Variants in FASN observed in about 807,000 individuals in gnomAD.
FASN encodes the protein 3-hydroxyacyl-[acyl-carrier-protein] dehydratase.
In FASN, 50 loss-of-function variants were observed where a neutral mutation model predicts 250.0. The ratio of observed to expected loss-of-function variants is 0.20; its 90% confidence interval spans 0.16 to 0.25. The LOEUF is 0.25. Ranked by LOEUF, FASN falls within the 10% of genes least tolerant of loss-of-function variation. The pLI is 1.00. For missense variants in FASN, 3,031 were observed against 3,498.5 expected, an observed-to-expected ratio of 0.87 and a Z score of 3.37; for synonymous variants, 1,909 against 1,584.0, an observed-to-expected ratio of 1.21 and a Z score of -4.87.
Position 82,088,298 on chromosome 17 carries a change from G to A in FASN, c.2603C>T (p.Ser868Phe), listed in dbSNP as rs1011316980. The change falls in exon 17 of 43, where the codon TCC becomes TTC. Residue 868 changes from serine (S) to phenylalanine (F), a missense_variant. Coordinates refer to ENST00000306749, the MANE Select transcript of FASN (RefSeq NM_004104.5). ...SAAIYNIDTS[S>F]ESPDHYLVDH... ...CACCAGGTAGTGGTCAGGAGACTCG[G>A]AGCTGGTGTCTGCGGGAGGGCACAG... 1 of 1,606,804 alleles carries A rather than the reference G, an allele frequency of 6.2e-7. No homozygotes were observed. The highest frequency in any genetic ancestry group is 8.5e-7 in the Non-Finnish European group (1 of 1,179,942).
intron 33 of FASN, 83 bp from the exon 34 acceptor site, chr17:82,082,761 C>A: frequency 6.4e-7 from 1 of 1,571,884 alleles, no homozygotes; most frequent in Non-Finnish European, 8.6e-7. Flanking sequence ...TGGGGAGCAG[C>A]CGCAGAGCCC....
In FASN at chr17:82,089,656, G is replaced by C; in HGVS notation, c.1941C>G (p.Asp647Glu). 6.2e-7 allele frequency: 1 copy of C among 1,604,990 alleles called. No homozygotes were observed. ...GVVPACHNSK[D>E]TVTISGPQAP... ...CCTGAGGTCCCGAGATGGTGACTGT[G>C]TCCTTGGAGTTGTGGCAGGCGGGCA... is the stretch of plus-strand genomic sequence containing the variant. The change falls in exon 12 of 43, where the codon GAC becomes GAG. Residue 647 changes from aspartate (D) to glutamate (E), a missense_variant. Coordinates refer to ENST00000306749, the MANE Select transcript of FASN (RefSeq NM_004104.5).
rs931066660 is a variant in FASN, at chr17:82,079,435, A to G, written c.7320T>C (p.His2440=). The change falls in exon 42 of 43, where the codon CAT becomes CAC. Residue 2440 remains histidine (H), a synonymous_variant. Transcript: ENST00000306749. The stretch of plus-strand genomic sequence containing the variant: ...TGGCGCGCAGTAGCATCACGTTGCC[A>G]TGGTACTTGGCCTTGGGTGTGTACT... The part of the protein sequence containing the change: ...AEQYTPKAKY[H]GNVMLLRAKT... 3 of 1,612,912 alleles carry G rather than the reference A, an allele frequency of 1.9e-6. No homozygotes were observed. The highest frequency in any genetic ancestry group is 2.2e-5 in the East Asian group (1 of 44,892).
intron 33 of FASN, 23 bp downstream of exon 33, chr17:82,082,891 C>T: frequency 1.2e-6 from 2 of 1,612,004 alleles, no homozygotes; most frequent in African/African-American, 1.3e-5. Flanking sequence ...CAGGCTGGTC[C>T]ACAAGCACCC....
chr17:82,093,124 C>A, intron 5 of FASN, 95 bp downstream of exon 5: 2 of 1,553,244 alleles, frequency 1.3e-6, no homozygotes, highest in South Asian at 2.3e-5. Flanking sequence ...GGGGGATCCC[C>A]GGAGCTGGCA....
chr17:82,091,687 G>A lies in FASN; in HGVS notation c.1030-3C>T, dbSNP rs894825072. On this transcript the variant is annotated splice_region_variant and splice_polypyrimidine_tract_variant and intron_variant, in intron 8 of 42. Transcript: ENST00000306749. ...CCGTGCTCCAGGGACAGCAGCACCT[G>A]CGGGGGTACGTGGTGGATGGGCAGC... The A allele has an allele frequency of 6.4e-7, 1 of 1,570,040 alleles. No homozygotes were observed. The highest frequency in any genetic ancestry group is 1.3e-5 in the African/African-American group (1 of 74,408).
rs746539388 is a variant in FASN at position 82,083,359 on chromosome 17, C to G, written c.5408G>C (p.Ser1803Thr). The G allele has an allele frequency of 1.2e-6, 2 of 1,612,784 alleles. No homozygotes were observed. Among genetic ancestry groups the G allele is most frequent in the Admixed American group, 3.3e-5 (2 of 60,008 alleles). Residue 1803 changes from serine (S) to threonine (T), a missense_variant, in exon 32 of 43, where the codon AGC becomes ACC. Coordinates refer to ENST00000306749, the MANE Select transcript of FASN (RefSeq NM_004104.5). ...GVLLDAFFNE[S>T]SADWREVWAL... ...CCACACCTCCCGCCAGTCAGCACTG[C>G]TCTCGTTGAAGAACGCATCCAGTAG...
In FASN at chr17:82,096,388, G is replaced by A; in HGVS notation, c.58C>T (p.Gln20Ter). 1 of 1,612,966 alleles carries A rather than the reference G, an allele frequency of 6.2e-7. No homozygotes were observed. The highest frequency in any genetic ancestry group is 8.5e-7 in the Non-Finnish European group (1 of 1,179,992). Residue 20 changes from glutamine to a stop codon, truncating the protein, a stop_gained, in exon 2 of 43, where the codon CAG becomes TAG. Transcript: ENST00000306749. LOFTEE classifies it high-confidence loss of function. ...CCGATGAGGTTGTCCCAGAACTCCTGCAAGTTCTCCGACTCTGGCAGCTTC... is the reference window on the plus strand; with the variant it reads ...CCGATGAGGTTGTCCCAGAACTCCTACAAGTTCTCCGACTCTGGCAGCTTC... The part of the protein sequence containing the change: ...SGKLPESENL[Q>*]EFWDNLIGGV...
At position 82,089,033 on chromosome 17, in the gene FASN, T is replaced by C; in HGVS notation, c.2240A>G (p.Glu747Gly). The change falls in exon 14 of 43, where the codon GAG becomes GGG. Residue 747 changes from glutamate to glycine, a missense_variant. Glu to Gly is a moderately conservative substitution (Grantham distance 98). Coordinates refer to ENST00000306749, the MANE Select transcript of FASN (RefSeq NM_004104.5). ...GTGCTCAGGCACGTGCCACAGGGCC[T>C]CCTGGAACAGCACAGGGCTCACCAG... ...NNLVSPVLFQ[E>G]ALWHVPEHAV... is the part of the protein sequence containing the mutation. 6.2e-7 allele frequency: 1 copy of C among 1,606,810 alleles called. No homozygotes were observed. Among genetic ancestry groups the C allele is most frequent in the African/African-American group, 1.3e-5 (1 of 74,796 alleles).
rs2034287975 is a variant in FASN, at chr17:82,095,457, G to A, written c.143C>T (p.Pro48Leu). The change falls in exon 3 of 43, where the codon CCC (proline) becomes CTC (leucine). Residue 48 changes from proline (P) to leucine (L), a missense_variant. Transcript: ENST00000306749. ...RRWKAGLYGL[P>L]RRSGKLKDLS... ...GTCCTTCAGCTTGCCGGACCGCCGG[G>A]GCAGGCCGTAGAGCCCTGTGGGACA... is the stretch of plus-strand genomic sequence containing the variant. 6.2e-7 allele frequency: 1 copy of A among 1,612,412 alleles called. No individual in the cohort carries two copies. Among genetic ancestry groups the A allele is most frequent in the Non-Finnish European group, 8.5e-7 (1 of 1,180,016 alleles).
At chr17:82,090,098 T>C (rs1404854845) in intron 11 of FASN, among the ~76,000 whole-genome samples, 1 of 152,186 alleles carries the variant, frequency 6.6e-6, no homozygotes, top group Non-Finnish European at 1.5e-5. Flanking sequence ...CCAGAGCCCC[T>C]GGGTTCTTGC....
Position 82,086,531 on chromosome 17 carries a change from A to AGGG in FASN, c.3454_3455insCCC (p.Val1152delinsAlaLeu), listed in dbSNP as rs747676181. 1 of 1,612,018 alleles carries AGGG rather than the reference A, an allele frequency of 6.2e-7. No homozygotes were observed. Among genetic ancestry groups the AGGG allele is most frequent in the Admixed American group, 1.7e-5 (1 of 60,014 alleles). ...CACCATCTTCAGCCCCTGCTGGGTC[A>AGGG]CCTTGGTCTGCAGTGCCTGCACCAG... On this transcript the variant is annotated protein_altering_variant, in exon 22 of 43. Coordinates refer to ENST00000306749, the MANE Select transcript of FASN (RefSeq NM_004104.5).
chr17:82,092,855 C>T, intron 6 of FASN, 42 bp downstream of exon 6: 1 of 1,586,760 alleles, frequency 6.3e-7, no homozygotes, highest in Non-Finnish European at 8.6e-7. Context: ...AGCCCCGGCT[C>T]CCACCTGCCC....
In FASN at chr17:82,082,666, T is replaced by A. The variant is rs1031331795; in HGVS notation, c.5780A>T (p.Lys1927Met). The A allele has an allele frequency of 3.1e-6, 5 of 1,609,346 alleles. No homozygotes were observed. The African/African-American group carries it at 6.7e-5, about 21-fold the overall frequency. ...RSGIRTGYQA[K>M]QVRRWRRQGV... ...CTGGCGCCTCCACCGGCGGACCTGCTTGGCCTGGTAGCCTGCGGGACACAG... is the reference window on the plus strand; with the variant it reads ...CTGGCGCCTCCACCGGCGGACCTGCATGGCCTGGTAGCCTGCGGGACACAG... Residue 1927 changes from lysine (K) to methionine (M), a missense_variant, in exon 34 of 43, where the codon AAG becomes ATG. Physicochemically the swap from Lys to Met is moderately conservative, Grantham distance 95 (BLOSUM62 -1). Coordinates refer to ENST00000306749, the MANE Select transcript of FASN (RefSeq NM_004104.5).
intron 8 of FASN, 71 bp from the exon 9 acceptor site, chr17:82,091,755 C>T (rs1440458437): frequency 1.5e-5 from 20 of 1,336,958 alleles, no homozygotes; most frequent in Non-Finnish European, 1.7e-5. Flanking sequence ...GGGCAGGCAC[C>T]TCCCCGAGAC....
Position 82,089,307 on chromosome 17 carries a change from G to A in FASN, c.2043C>T (p.Ala681=), listed in dbSNP as rs2144798834. The part of the protein sequence containing the change: ...FAKEVRTGGM[A]FHSYFMEAIA... ...TGGCCTCCATGAAGTAGGAGTGGAA[G>A]GCCATACCGCCGGTCCGCACCTCCT... Residue 681 remains alanine (A), a synonymous_variant, in exon 13 of 43, where the codon GCC becomes GCT. Transcript: ENST00000306749. 1 of 1,612,806 alleles carries A rather than the reference G, an allele frequency of 6.2e-7. No individual in the cohort carries two copies. The highest frequency in any genetic ancestry group is 8.5e-7 in the Non-Finnish European group (1 of 1,179,980).
At chr17:82,089,195 G>C in intron 13 of FASN, 23 bp from the exon 14 acceptor site, 1 of 1,600,240 alleles carries the variant, frequency 6.2e-7, no homozygotes, top group Non-Finnish European at 8.5e-7. Context: ...CCAGGTCAGT[G>C]CTGGGTTGTG....
At position 82,091,170 on chromosome 17, in the gene FASN, G is replaced by A. The variant is rs780007873; in HGVS notation, c.1492+52C>T. 832 of 1,595,938 alleles carry A rather than the reference G, an allele frequency of 5.2e-4. 4 individuals are homozygous for A. Among genetic ancestry groups the A allele is most frequent in the Middle Eastern group, 5.2e-3 (29 of 5,598 alleles). On this transcript the variant is annotated intron_variant, in intron 9 of 42. Transcript: ENST00000306749. ...CTCAGGGGACCACCAGCTCCAGTTC[G>A]CCTGCCTTTCCCCAGGGAAGGGACC...
rs963388974 is a variant in FASN, at chr17:82,088,555, C to T, written c.2428G>A (p.Ala810Thr). Residue 810 changes from alanine to threonine, a missense_variant, in exon 16 of 43, where the codon GCC (alanine) becomes ACC (threonine). Ala to Thr is a moderately conservative substitution (Grantham distance 58). Coordinates refer to ENST00000306749, the MANE Select transcript of FASN (RefSeq NM_004104.5). ...GGTGGGAACAAGGCATTGGGGTTGG[C>T]GTCGATGCTACGGAGAAGGGAGGCA... ...IGRLHLSGID[A>T]NPNALFPPVE... 1.7e-5 allele frequency: 28 copies of T among 1,604,542 alleles called. No homozygotes were observed. Among genetic ancestry groups the T allele is most frequent in the Admixed American group, 3.4e-5 (2 of 59,686 alleles).
Sources: allele counts gnomAD v4.1 joint callset (sites outside exome capture counted in the v4.1 genomes callset), GRCh38; gene constraint gnomAD v4.1.1; transcripts MANE v1.5; gene names NCBI Gene and HGNC (gene_info 2026-07-23, HGNC 2026-07-21).